Variants in GLRB observed in about 807,000 individuals in gnomAD.
The protein encoded by GLRB is glycine receptor subunit beta.
In GLRB, 33 loss-of-function variants were observed where a neutral mutation model predicts 54.2. The ratio of observed to expected loss-of-function variants is 0.61; its 90% CI spans 0.46 to 0.81. The LOEUF is 0.81. Among genes scored for constraint, GLRB ranks in the 40% least tolerant of loss-of-function variants. GLRB has a pLI of 0.00. For missense variants in GLRB, 572 were observed against 584.6 expected, an observed-to-expected ratio of 0.98 and a Z score of 0.22; for synonymous variants, 209 against 208.2, an observed-to-expected ratio of 1.00 and a Z score of -0.03.
At chr4:157,140,293 CTTTA>C (rs1736560405) in intron 7 of GLRB, among the ~76,000 whole-genome samples, 1 of 151,878 alleles carries the variant, frequency 6.6e-6, no homozygotes, top group Non-Finnish European at 1.5e-5. Context: ...TGAGCCACTC[CTTTA>C]TTTAACACAT....
chr4:157,128,257 G>A (rs748150175), intron 4 of GLRB, among the ~76,000 whole-genome samples: 8 of 151,184 alleles, frequency 5.3e-5, no homozygotes, highest in Non-Finnish European at 1.2e-4. Context: ...TTTAGTGTAC[G>A]TACATGAAAC....
At chr4:157,086,977 C>A (rs1371045701) in intron 2 of GLRB, among the ~76,000 whole-genome samples, 1 of 152,002 alleles carries the variant, frequency 6.6e-6, no homozygotes, top group African/African-American at 2.4e-5. Flanking sequence ...GCAGTGATGT[C>A]TTTTATTTTC....
intron 2 of GLRB, among the ~76,000 whole-genome samples, chr4:157,078,781 T>C (rs1734129325): frequency 2.6e-5 from 4 of 152,168 alleles, no homozygotes. Context: ...GAGTCTTGTT[T>C]ATTTTTTTTA....
At chr4:157,099,681 C>T (rs1359831427) in intron 2 of GLRB, among the ~76,000 whole-genome samples, 2 of 152,050 alleles carry the variant, frequency 1.3e-5, no homozygotes, top group Non-Finnish European at 2.9e-5. Flanking sequence ...CATAAACATT[C>T]ATATCTGTTG....
intron 9 of GLRB, among the ~76,000 whole-genome samples, chr4:157,156,958 T>C (rs1560974454): frequency 6.6e-6 from 1 of 152,212 alleles, no homozygotes; most frequent in Non-Finnish European, 1.5e-5. Context: ...AGGGGAAGGA[T>C]GAGTGCTGCT....
intron 2 of GLRB, among the ~76,000 whole-genome samples, chr4:157,080,042 T>A (rs1734170725): frequency 6.6e-6 from 1 of 152,164 alleles, no homozygotes; most frequent in Non-Finnish European, 1.5e-5. Flanking sequence ...GCAAATCTTA[T>A]AACTACCATA....
chr4:157,169,766 A>C (rs943013891), intron 9 of GLRB, among the ~76,000 whole-genome samples: 2 of 152,182 alleles, frequency 1.3e-5, no homozygotes, highest in Admixed American at 6.5e-5. Context: ...GAAATTAGTG[A>C]CTGAATAATA....
chr4:157,083,688 T>C (rs1734306276), intron 2 of GLRB, among the ~76,000 whole-genome samples: 1 of 152,188 alleles, frequency 6.6e-6, no homozygotes, highest in Non-Finnish European at 1.5e-5. Context: ...TTGATCTGTT[T>C]ATTTAAGTAT....
At chr4:157,079,666 A>G (rs1734156568) in intron 2 of GLRB, among the ~76,000 whole-genome samples, 1 of 152,150 alleles carries the variant, frequency 6.6e-6, no homozygotes, top group Non-Finnish European at 1.5e-5. Flanking sequence ...GCTGGGAACA[A>G]TGGAGGCAGG....
At chr4:157,143,476 G>C (rs1186618021) in intron 7 of GLRB, among the ~76,000 whole-genome samples, 2 of 151,932 alleles carry the variant, frequency 1.3e-5, no homozygotes, top group South Asian at 4.2e-4. Context: ...ATTGCCCTGA[G>C]AGGACCCACG....
Position 157,112,293 on chromosome 4 carries a change from A to G in GLRB, c.123-8263A>G, listed in dbSNP as rs867590487. Among the ~76,000 whole-genome samples the G allele has an allele frequency of 3.3e-5, 5 of 151,696 alleles. No individual in the cohort carries two copies. The Middle Eastern group carries it at 0.01, about 310-fold the overall frequency. On this transcript the variant is annotated intron_variant, in intron 2 of 9. Transcript: ENST00000264428. The stretch of plus-strand genomic sequence containing the variant: ...TGAGAATCCATAAACAAATTTATCT[A>G]AACTCACAGCTTTAAATACCATTTT...
chr4:157,136,426 A>C, intron 4 of GLRB, 43 bp from the exon 5 acceptor site: 1 of 1,091,626 alleles, frequency 9.2e-7, no homozygotes, highest in Non-Finnish European at 1.4e-6. Context: ...TCTTAAAAAT[A>C]GCAATAAACA....
intron 2 of GLRB, among the ~76,000 whole-genome samples, chr4:157,118,357 C>T (rs1735682415): frequency 6.6e-6 from 1 of 151,594 alleles, no homozygotes; most frequent in Non-Finnish European, 1.5e-5. Context: ...AATTTGCATC[C>T]TAATATCCAA....
At chr4:157,117,983 G>T (rs2126523853) in intron 2 of GLRB, among the ~76,000 whole-genome samples, 1 of 151,734 alleles carries the variant, frequency 6.6e-6, no homozygotes, top group East Asian at 2.0e-4. Context: ...AGGTTTAAAA[G>T]GACAGGTTTG....
In GLRB at chr4:157,152,870, A is replaced by T. The variant is rs750061262; in HGVS notation, c.1057A>T (p.Met353Leu). ...GGTGGAGTATGCAGTTGTCCAGGTG[A>T]TGCTGAACAACCCCAAAAGGGTTGA... ...SLVEYAVVQVMLNNPKRVEAE... is the reference protein window; with the variant it reads ...SLVEYAVVQVLLNNPKRVEAE... The change falls in exon 9 of 10, where the codon ATG becomes TTG. Residue 353 changes from methionine to leucine, a missense_variant. Coordinates refer to ENST00000264428, the MANE Select transcript of GLRB (RefSeq NM_000824.5). 3 of 1,614,036 alleles carry T rather than the reference A, an allele frequency of 1.9e-6. No individual in the cohort carries two copies. Among genetic ancestry groups the T allele is most frequent in the South Asian group, 2.2e-5 (2 of 91,080 alleles).
intron 2 of GLRB, among the ~76,000 whole-genome samples, chr4:157,105,444 A>C (rs1046032467): frequency 2.0e-5 from 3 of 152,072 alleles, no homozygotes; most frequent in African/African-American, 7.2e-5. Context: ...CTAACATGTG[A>C]TCTATCTGGC....
rs563229557 is a variant in GLRB, at chr4:157,154,489, G to A, written c.1197+1479G>A. ...GTTGCCCAGGCTGGAGTGCAATGGC[G>A]TGATCTCGGCTCACCGCAACATCTG... is the stretch of plus-strand genomic sequence containing the variant. On this transcript the variant is annotated intron_variant, in intron 9 of 9. Transcript: ENST00000264428. Among the ~76,000 whole-genome samples, 9 of 141,978 alleles carry A rather than the reference G, an allele frequency of 6.3e-5. No individual in the cohort carries two copies. In the South Asian group the frequency reaches 8.9e-4, roughly 14 times the overall value. 93.1% of individuals were successfully genotyped at this position (141,978 alleles called of 152,430 possible).
intron 2 of GLRB, among the ~76,000 whole-genome samples, chr4:157,120,131 G>T (rs1198178639): frequency 2.0e-5 from 3 of 149,386 alleles, no homozygotes; most frequent in Non-Finnish European, 4.4e-5. Context: ...ACTGTCGCAA[G>T]AACAAAAAAC....
intron 2 of GLRB, among the ~76,000 whole-genome samples, chr4:157,108,087 G>A (rs1560946450): frequency 6.6e-6 from 1 of 151,916 alleles, no homozygotes; most frequent in African/African-American, 2.4e-5. Flanking sequence ...TACCACTCAG[G>A]AAAAAAGACT....
Sources: allele counts gnomAD v4.1 joint callset (sites outside exome capture counted in the v4.1 genomes callset), GRCh38; gene constraint gnomAD v4.1.1; transcripts MANE v1.5; gene names NCBI Gene and HGNC (gene_info 2026-07-23, HGNC 2026-07-21).